OSTN: variants seen among roughly 807,000 people sequenced by gnomAD.
The protein encoded by OSTN is osteocrin.
A neutral mutation model predicts 12.0 loss-of-function variants in OSTN; 9 were observed. The ratio of observed to expected loss-of-function variants is 0.75; its 90% CI spans 0.45 to 1.30. OSTN has a LOEUF of 1.30. OSTN is among the 50% of genes most tolerant of loss of function. The pLI is 0.00. For missense variants in OSTN, 148 were observed against 152.3 expected, an observed-to-expected ratio of 0.97 and a Z score of 0.15; for synonymous variants, 59 against 56.9, an observed-to-expected ratio of 1.04 and a Z score of -0.16.
intron 4 of OSTN, among the ~76,000 whole-genome samples, chr3:191,260,174 G>A (rs1323097404): frequency 1.3e-5 from 2 of 151,428 alleles, no homozygotes; most frequent in Admixed American, 6.6e-5. Flanking sequence ...TTTAATCTTC[G>A]CATCAATTGT....
At chr3:191,201,011 A>G (rs1714139810) in intron 1 of OSTN, among the ~76,000 whole-genome samples, 1 of 152,194 alleles carries the variant, frequency 6.6e-6, no homozygotes, top group East Asian at 1.9e-4. Context: ...GTAAGCTACA[A>G]CAAGGTGCTA....
intron 3 of OSTN, among the ~76,000 whole-genome samples, chr3:191,226,253 A>C (rs1389812179): frequency 2.6e-5 from 4 of 152,144 alleles, no homozygotes; most frequent in Non-Finnish European, 4.4e-5. Flanking sequence ...TATTTAATGT[A>C]ATCTTTCATA....
rs140256732 is a variant in OSTN at position 191,243,537 on chromosome 3, T to G, written c.318-6500T>G. ...TTTGCTGAAAGAAGTGGAGAAAAATTCATATATAATTTTTGTCCCAGCTTG... is the reference window on the plus strand; with the variant it reads ...TTTGCTGAAAGAAGTGGAGAAAAATGCATATATAATTTTTGTCCCAGCTTG... On this transcript the variant is annotated intron_variant, in intron 3 of 4. Transcript: ENST00000682035. Among the ~76,000 whole-genome samples the G allele has an allele frequency of 2.0e-5, 3 of 152,242 alleles. No individual in the cohort carries two copies. In the East Asian group the frequency reaches 5.8e-4, roughly 29 times the overall value.
At chr3:191,246,380 T>C (rs1254903072) in intron 3 of OSTN, among the ~76,000 whole-genome samples, 1 of 151,326 alleles carries the variant, frequency 6.6e-6, no homozygotes. Context: ...CCAAGGTGGG[T>C]GGATTGCCTG....
chr3:191,222,481 AT>A (rs1191790259), intron 3 of OSTN, among the ~76,000 whole-genome samples: 1 of 152,206 alleles, frequency 6.6e-6, no homozygotes, highest in African/African-American at 2.4e-5. Context: ...GAACAGGTGT[AT>A]TTACCCAATG....
At chr3:191,205,979 G>A (rs1159793070) in intron 1 of OSTN, among the ~76,000 whole-genome samples, 1 of 152,198 alleles carries the variant, frequency 6.6e-6, no homozygotes, top group Non-Finnish European at 1.5e-5. Context: ...GAAGTCAGGA[G>A]TTCGAGAACA....
chr3:191,203,375 T>C (rs1005923172), intron 1 of OSTN, among the ~76,000 whole-genome samples: 3 of 152,314 alleles, frequency 2.0e-5, no homozygotes, highest in Admixed American at 6.5e-5. Context: ...AAAATAATAA[T>C]GGAATCTTTC....
At chr3:191,230,164 T>C (rs1576930927) in intron 3 of OSTN, among the ~76,000 whole-genome samples, 1 of 152,152 alleles carries the variant, frequency 6.6e-6, no homozygotes, top group African/African-American at 2.4e-5. Flanking sequence ...ATTCAGTAAT[T>C]ATAACACATT....
intron 3 of OSTN, among the ~76,000 whole-genome samples, chr3:191,244,126 G>A (rs1715379945): frequency 6.6e-6 from 1 of 152,030 alleles, no homozygotes; most frequent in Non-Finnish European, 1.5e-5. Flanking sequence ...CAAATGTATA[G>A]GTTCTGTATG....
At chr3:191,251,179 T>A (rs1448682634) in intron 4 of OSTN, among the ~76,000 whole-genome samples, 3 of 143,724 alleles carry the variant, frequency 2.1e-5, no homozygotes, top group African/African-American at 2.4e-5. Context: ...ATGGAAAGCT[T>A]AGAAATATTA....
intron 1 of OSTN, among the ~76,000 whole-genome samples, chr3:191,211,510 A>G (rs564500035): frequency 6.6e-6 from 1 of 152,324 alleles, no homozygotes; most frequent in Non-Finnish European, 1.5e-5. Flanking sequence ...TCAGTAGTAT[A>G]CACATACCTA....
At chr3:191,214,737 T>C (rs908060162) in intron 2 of OSTN, among the ~76,000 whole-genome samples, 1 of 152,162 alleles carries the variant, frequency 6.6e-6, no homozygotes, top group African/African-American at 2.4e-5. Flanking sequence ...TATAAAGAAC[T>C]ACTTGGTCAG....
chr3:191,217,815 T>G (rs1714656245), intron 2 of OSTN, among the ~76,000 whole-genome samples: 1 of 152,154 alleles, frequency 6.6e-6, no homozygotes, highest in Admixed American at 6.6e-5. Flanking sequence ...AGAGACTAAA[T>G]TTTTATTTTT....
chr3:191,230,631 A>G (rs1013644539), intron 3 of OSTN, among the ~76,000 whole-genome samples: 4 of 151,554 alleles, frequency 2.6e-5, no homozygotes, highest in Non-Finnish European at 4.4e-5. Context: ...ACTCACTATC[A>G]GGTGATAAGA....
rs1414488013 is a variant in OSTN at position 191,263,180 on chromosome 3, CAT to C, written c.*328_*329del. 10 of 275,454 alleles carry C rather than the reference CAT, an allele frequency of 3.6e-5. No homozygotes were observed. The highest frequency in any genetic ancestry group is 1.3e-4 in the East Asian group (2 of 15,378). 17.1% of individuals were successfully genotyped at this position (275,454 alleles called of 1,614,324 possible). On this transcript the variant is annotated 3_prime_UTR_variant, in exon 5 of 5. Coordinates refer to ENST00000682035, the MANE Select transcript of OSTN (RefSeq NM_198184.2). ...GCCTTCTGTATGGATTTACCATGCA[CAT>C]GTTTGTAGTCAAAGAATAATAACAA... is the stretch of plus-strand genomic sequence containing the variant.
chr3:191,249,301 A>G (rs2108551663), intron 3 of OSTN, among the ~76,000 whole-genome samples: 1 of 152,322 alleles, frequency 6.6e-6, no homozygotes, highest in Admixed American at 6.5e-5. Context: ...TGATAGAACT[A>G]AGTGATGATA....
At chr3:191,209,250 C>A (rs1292215450) in intron 1 of OSTN, among the ~76,000 whole-genome samples, 1 of 152,094 alleles carries the variant, frequency 6.6e-6, no homozygotes, top group Non-Finnish European at 1.5e-5. Context: ...TATGTAAAGT[C>A]AAAGAGACAT....
chr3:191,258,460 G>A (rs1445365547), intron 4 of OSTN, among the ~76,000 whole-genome samples: 2 of 152,048 alleles, frequency 1.3e-5, no homozygotes, highest in African/African-American at 4.8e-5. Context: ...ATGGACACAG[G>A]GAGGGGAACA....
chr3:191,205,443 A>AAAT (rs753521689), intron 1 of OSTN, among the ~76,000 whole-genome samples: 169 of 149,088 alleles, frequency 1.1e-3, no homozygotes, highest in Middle Eastern at 3.5e-3. Flanking sequence ...AGTAAAAAAA[A>AAAT]ATATATATAT....
Sources: allele counts gnomAD v4.1 joint callset (sites outside exome capture counted in the v4.1 genomes callset), GRCh38; gene constraint gnomAD v4.1.1; transcripts MANE v1.5; gene names NCBI Gene and HGNC (gene_info 2026-07-23, HGNC 2026-07-21).